TTC6: variants seen among roughly 807,000 people sequenced by gnomAD.
TTC6 encodes tetratricopeptide repeat domain 6.
TTC6 carries 172 observed loss-of-function variants against 210.4 expected under a neutral mutation model. The observed-to-expected ratio is 0.82, with a 90% confidence interval of 0.72 to 0.93. TTC6 has a LOEUF of 0.93. Among genes scored for constraint, TTC6 ranks in the 40% least tolerant of loss-of-function variants. TTC6 has a pLI of 0.00. For synonymous variants in TTC6, 804 were observed against 819.6 expected, an observed-to-expected ratio of 0.98 and a Z score of 0.32; for missense variants, 2,414 against 2,318.1, an observed-to-expected ratio of 1.04 and a Z score of -0.85.
chr14:37,639,715 CAAAAAAAAA>C (rs35837305), intron 1 of TTC6, among the ~76,000 whole-genome samples: 2 of 74,196 alleles, frequency 2.7e-5, no homozygotes, highest in Non-Finnish European at 5.3e-5. Flanking sequence ...ACAAGAAATA[CAAAAAAAAA>C]AAAAAAAAAA....
At chr14:37,613,324 C>T (rs940873687) in intron 2 of TTC6, among the ~76,000 whole-genome samples, 3 of 151,902 alleles carry the variant, frequency 2.0e-5, no homozygotes, top group African/African-American at 7.3e-5. Flanking sequence ...TTTTTCAACC[C>T]TTGGATAAAC....
chr14:37,763,221 A>G (rs1292271890), intron 14 of TTC6, among the ~76,000 whole-genome samples: 1 of 151,852 alleles, frequency 6.6e-6, no homozygotes, highest in Admixed American at 6.6e-5. Flanking sequence ...GTTGCATTCA[A>G]TTTGCTCATA....
At chr14:37,685,243 G>A (rs1441070148) in intron 3 of TTC6, among the ~76,000 whole-genome samples, 1 of 152,142 alleles carries the variant, frequency 6.6e-6, no homozygotes, top group African/African-American at 2.4e-5. Context: ...GTATGGGGAT[G>A]TCCTGAATCT....
At chr14:37,722,388 A>G (rs2095863631) in intron 6 of TTC6, among the ~76,000 whole-genome samples, 1 of 152,188 alleles carries the variant, frequency 6.6e-6, no homozygotes, top group African/African-American at 2.4e-5. Flanking sequence ...GTTTAATTTA[A>G]TAAATTCTCT....
chr14:37,695,133 G>C (rs2138643525), intron 3 of TTC6, among the ~76,000 whole-genome samples: 1 of 151,384 alleles, frequency 6.6e-6, no homozygotes, highest in African/African-American at 2.4e-5. Flanking sequence ...AATAATCCAG[G>C]CACAGAAAGA....
chr14:37,651,384 A>C (rs1397437733), intron 1 of TTC6, among the ~76,000 whole-genome samples: 3 of 57,428 alleles, frequency 5.2e-5, no homozygotes, highest in African/African-American at 1.3e-4. Flanking sequence ...TGCACTGTTT[A>C]TGTTATATAT....
chr14:37,707,985 CT>C (rs1221568791), intron 5 of TTC6, among the ~76,000 whole-genome samples: 1 of 151,954 alleles, frequency 6.6e-6, no homozygotes, highest in Non-Finnish European at 1.5e-5. Flanking sequence ...AAATTTGCCT[CT>C]ATAGTTTCTC....
intron 1 of TTC6, among the ~76,000 whole-genome samples, chr14:37,597,048 C>A (rs35347282): frequency 0.063 from 9,089 of 145,360 alleles, 401 homozygotes; most frequent in Non-Finnish European, 0.092. Context: ...GGGGTAGAAA[C>A]GTCACATCAT....
intron 24 of TTC6, among the ~76,000 whole-genome samples, chr14:37,811,237 C>T (rs34550574): frequency 0.26 from 40,026 of 152,138 alleles, 6,252 homozygotes; most frequent in South Asian, 0.41. Context: ...CATAATGTGA[C>T]TTAGTAAAAG....
At chr14:37,832,333 T>TTTTTTTTTTTTTTTTTTCTTTTTTTC (rs2096187703) in intron 29 of TTC6, among the ~76,000 whole-genome samples, 1 of 4,808 alleles carries the variant, frequency 2.1e-4, no homozygotes, top group Non-Finnish European at 1.7e-3. Flanking sequence ...TTCTCTCTTT[T>TTTTTTTTTTTTTTTTTTCTTTTTTTC]TTTTTTTTTT....
At chr14:37,770,394 A>C (rs986286166) in intron 14 of TTC6, among the ~76,000 whole-genome samples, 21 of 152,012 alleles carry the variant, frequency 1.4e-4, no homozygotes, top group African/African-American at 4.8e-4. Context: ...TCTAATGTTG[A>C]CCGTGGGGTG....
intron 10 of TTC6, among the ~76,000 whole-genome samples, chr14:37,743,426 T>C (rs1027352437): frequency 3.3e-5 from 5 of 152,198 alleles, no homozygotes; most frequent in Admixed American, 1.3e-4. Context: ...ATTGTACTTA[T>C]GTTATTAATA....
intron 1 of TTC6, among the ~76,000 whole-genome samples, chr14:37,664,869 T>C (rs941902052): frequency 3.3e-5 from 5 of 150,526 alleles, no homozygotes; most frequent in African/African-American, 9.7e-5. Context: ...AAAGAAGACA[T>C]ACTTGTGGCC....
chr14:37,733,986 G>T (rs1471912634), intron 7 of TTC6, among the ~76,000 whole-genome samples: 3 of 151,952 alleles, frequency 2.0e-5, no homozygotes, highest in Non-Finnish European at 2.9e-5. Flanking sequence ...CCCTAAATCT[G>T]TTATGTTATG....
intron 4 of TTC6, among the ~76,000 whole-genome samples, chr14:37,700,481 GC>G (rs1566896917): frequency 6.6e-6 from 1 of 152,026 alleles, no homozygotes; most frequent in Non-Finnish European, 1.5e-5. Context: ...AGTGGCTCAC[GC>G]CTGTAATCCC....
chr14:37,842,325 C>G, exon 31 of TTC6: 1 of 1,478,000 alleles, frequency 6.8e-7, no homozygotes, highest in Non-Finnish European at 9.0e-7. Context: ...GTAGTTTACA[C>G]AGCTGTTCTC....
At chr14:37,748,050 A>G (rs184050086) in intron 10 of TTC6, among the ~76,000 whole-genome samples, 1 of 152,336 alleles carries the variant, frequency 6.6e-6, no homozygotes, top group African/African-American at 2.4e-5. Flanking sequence ...GTAAAACAAA[A>G]AACAAAAACT....
At chr14:37,607,778 C>A (rs1003005331) in intron 2 of TTC6, among the ~76,000 whole-genome samples, 8 of 152,008 alleles carry the variant, frequency 5.3e-5, no homozygotes, top group African/African-American at 1.9e-4. Context: ...TAGGTGCATG[C>A]CACCATGCCC....
Position 37,598,326 on chromosome 14 carries a change from C to G in TTC6, c.-235+2318C>G, listed in dbSNP as rs2095608446. Among the ~76,000 whole-genome samples the G allele has an allele frequency of 1.3e-5, 2 of 152,100 alleles. No individual in the cohort carries two copies. The highest frequency in any genetic ancestry group is 2.9e-5 in the Non-Finnish European group (2 of 68,028). On this transcript the variant is annotated intron_variant, in intron 1 of 2. Coordinates refer to the TTC6 transcript ENST00000556845. This position sits in a 1 kb window ranked among gnomAD's most constrained non-coding sequence, Gnocchi z 4.9. ...CTTGCCTGTGTTTAAGACGGGTCTG[C>G]GACAGCTTGGGGCGGTCCAGGTCGC...
Sources: gnomAD v4.1 joint callset for allele counts (sites outside exome capture counted in the v4.1 genomes callset) on GRCh38, gnomAD v4.1.1 for gene constraint, Gnocchi (gnomAD v3.1) non-coding constraint, MANE v1.5 for transcripts, NCBI Gene and HGNC (gene_info 2026-07-23, HGNC 2026-07-21) for gene names.